The following ADGRG7 variants were observed in gnomAD, a reference collection of about 807,000 sequenced individuals.
ADGRG7 encodes G-protein coupled receptor 128.
Under a neutral mutation model 88.6 loss-of-function variants are expected in ADGRG7, and 82 were observed. The observed-to-expected ratio is 0.93, with a 90% CI of 0.77 to 1.11. The LOEUF is 1.11. Ranked by LOEUF, ADGRG7 falls within the 50% of genes most tolerant of loss-of-function variation. ADGRG7 has a pLI of 0.00. For synonymous variants in ADGRG7, 381 were observed against 345.2 expected (o/e 1.10, Z -1.15); for missense variants, 945 against 953.4 (o/e 0.99, Z 0.12).
intron 15 of ADGRG7, among the ~76,000 whole-genome samples, chr3:100,673,371 T>C (rs961052427): frequency 6.6e-6 from 1 of 152,188 alleles, no homozygotes; most frequent in African/African-American, 2.4e-5. Flanking sequence ...TTTATAGTAC[T>C]CTCTGATGGT....
At chr3:100,629,763 T>C (rs1351055976) in intron 2 of ADGRG7, 52 bp downstream of exon 2, 2 of 1,179,752 alleles carry the variant, frequency 1.7e-6, no homozygotes, top group Non-Finnish European at 1.3e-6. Flanking sequence ...ACTCTTGTGT[T>C]AATAAGAATA....
intron 1 of ADGRG7, among the ~76,000 whole-genome samples, chr3:100,610,565 C>G (rs930597431): frequency 3.3e-5 from 5 of 152,150 alleles, no homozygotes; most frequent in Non-Finnish European, 7.3e-5. Flanking sequence ...GTTAGTCCCC[C>G]GCTGTGTGCC....
At chr3:100,678,213 CTG>C (rs1252272230) in intron 15 of ADGRG7, among the ~76,000 whole-genome samples, 1 of 151,980 alleles carries the variant, frequency 6.6e-6, no homozygotes, top group Non-Finnish European at 1.5e-5. Flanking sequence ...TTAAGAGACT[CTG>C]ATTCATTCTT....
chr3:100,635,942 G>A, intron 5 of ADGRG7, 116 bp downstream of exon 5: 1 of 773,276 alleles, frequency 1.3e-6, no homozygotes, highest in Non-Finnish European at 2.0e-6. Context: ...TTTGAGCATG[G>A]TTTAAGTTGC....
chr3:100,614,885 TG>T (rs1368699491), intron 1 of ADGRG7, among the ~76,000 whole-genome samples: 2 of 152,200 alleles, frequency 1.3e-5, no homozygotes, highest in Non-Finnish European at 2.9e-5. Context: ...TTAAAAGCAT[TG>T]AAAATGTGTA....
chr3:100,654,608 T>A (rs2094935016), intron 11 of ADGRG7: 2 of 419,382 alleles, frequency 4.8e-6, no homozygotes, highest in Non-Finnish European at 8.4e-6. Context: ...CAAGAAAAGA[T>A]ATGTCAACCT....
At position 100,618,669 on chromosome 3, in the gene ADGRG7, C is replaced by G. The variant is rs185206234; in HGVS notation, c.115+8698C>G. Among the ~76,000 whole-genome samples the G allele has an allele frequency of 3.6e-3, 543 of 152,198 alleles. 5 individuals are homozygous for G. Among genetic ancestry groups the G allele is most frequent in the Non-Finnish European group, 5.3e-3 (362 of 68,006 alleles). ...GTAGCGTGATGCCTCCAGCTTTGTT[C>G]TTTTGGCTTAGGATTGACTTGGCGA... is the stretch of plus-strand genomic sequence containing the variant. On this transcript the variant is annotated intron_variant, in intron 1 of 15. Coordinates refer to ENST00000273352, the MANE Select transcript of ADGRG7 (RefSeq NM_032787.3).
At chr3:100,637,899 T>TC (rs1707572662) in intron 6 of ADGRG7, among the ~76,000 whole-genome samples, 1 of 152,236 alleles carries the variant, frequency 6.6e-6, no homozygotes, top group South Asian at 2.1e-4. Flanking sequence ...CCCCGTTTAC[T>TC]CAGCCCACCC....
At chr3:100,633,012 A>G (rs1707477490) in intron 3 of ADGRG7, among the ~76,000 whole-genome samples, 1 of 152,086 alleles carries the variant, frequency 6.6e-6, no homozygotes, top group East Asian at 1.9e-4. Flanking sequence ...CATCATATCC[A>G]CTTCAAAGCC....
At chr3:100,654,803 T>A (rs868040313) in intron 11 of ADGRG7, 32 bp from the exon 12 acceptor site, 2 of 1,343,048 alleles carry the variant, frequency 1.5e-6, no homozygotes, top group Middle Eastern at 2.5e-4. Context: ...GTGTTTCATT[T>A]AATTTTTTTA....
In ADGRG7 at chr3:100,619,828, G is replaced by A. The variant is rs572580732; in HGVS notation, c.116-9770G>A. ...TCTAGAAGAAATGGATAAATTCCTCGACACGTACACTCTCCCAAGACTAAA... is the reference window on the plus strand; with the variant it reads ...TCTAGAAGAAATGGATAAATTCCTCAACACGTACACTCTCCCAAGACTAAA... On this transcript the variant is annotated intron_variant, in intron 1 of 15. Transcript: ENST00000273352. Among the ~76,000 whole-genome samples, 6 of 152,230 alleles carry A rather than the reference G, an allele frequency of 3.9e-5. No homozygotes were observed. In the East Asian group the frequency reaches 9.6e-4, roughly 24 times the overall value.
chr3:100,629,443 G>T (rs1202718539), intron 1 of ADGRG7, among the ~76,000 whole-genome samples, 155 bp from the exon 2 acceptor site: 1 of 150,420 alleles, frequency 6.6e-6, no homozygotes. Context: ...TAGATTCTCA[G>T]TGTATATTTT....
At chr3:100,663,302 A>G (rs533451780) in intron 14 of ADGRG7, among the ~76,000 whole-genome samples, 6 of 152,234 alleles carry the variant, frequency 3.9e-5, no homozygotes, top group African/African-American at 1.2e-4. Flanking sequence ...GTGAATCAAA[A>G]CCTAAACCTC....
rs753113675 is a variant in ADGRG7, at chr3:100,694,964, C to T, written c.2357C>T (p.Thr786Ile). The T allele has an allele frequency of 3.7e-5, 59 of 1,614,168 alleles. No individual in the cohort carries two copies. The highest frequency in any genetic ancestry group is 3.3e-4 in the Middle Eastern group (2 of 6,062). The part of the protein sequence containing the change: ...LETSPSTEEI[T>I]LSESDNAKES... ...ACCTCTCCGAGTACTGAGGAAATCA[C>T]ACTCTCTGAAAGTGACAATGCAAAG... The change falls in exon 16 of 16, where the codon ACA (threonine) becomes ATA (isoleucine). Residue 786 changes from threonine (T) to isoleucine (I), a missense_variant. By Grantham distance (89) the Thr-to-Ile change is moderately conservative. Coordinates refer to ENST00000273352, the MANE Select transcript of ADGRG7 (RefSeq NM_032787.3).
chr3:100,627,621 G>A (rs932473964), intron 1 of ADGRG7, among the ~76,000 whole-genome samples: 4 of 152,134 alleles, frequency 2.6e-5, no homozygotes, highest in Non-Finnish European at 5.9e-5. Context: ...TTTTCTAAAA[G>A]AGTTTGTATG....
At chr3:100,616,881 A>G (rs1385771111) in intron 1 of ADGRG7, among the ~76,000 whole-genome samples, 3 of 152,128 alleles carry the variant, frequency 2.0e-5, no homozygotes, top group Admixed American at 1.3e-4. Flanking sequence ...AAAACTAGGG[A>G]ATGGAAAAGA....
chr3:100,655,014 A>G lies in ADGRG7; in HGVS notation c.1559A>G (p.Asn520Ser), dbSNP rs1226230760. 7 of 1,613,996 alleles carry G rather than the reference A, an allele frequency of 4.3e-6. No homozygotes were observed. The highest frequency in any genetic ancestry group is 5.9e-6 in the Non-Finnish European group (7 of 1,180,012). ...NNDIPRTDTI[N>S]IPNPMCTAIA... is the part of the protein sequence containing the mutation. ...GACATACCCAGGACAGACACCATTA[A>G]CATCCCGAATCCCATGTGCACTGCG... The change falls in exon 12 of 16, where the codon AAC (asparagine) becomes AGC (serine). Residue 520 changes from asparagine to serine, a missense_variant. Asn to Ser is a conservative substitution (Grantham distance 46). Coordinates refer to ENST00000273352, the MANE Select transcript of ADGRG7 (RefSeq NM_032787.3).
Position 100,609,745 on chromosome 3 carries a change from G to T in ADGRG7, c.-112G>T. 1.4e-6 allele frequency: 1 copy of T among 712,758 alleles called. No homozygotes were observed. The highest frequency in any genetic ancestry group is 1.7e-5 in the South Asian group (1 of 59,900). 44.2% of individuals were successfully genotyped at this position (712,758 alleles called of 1,614,324 possible). A position where few individuals can be genotyped will look rare whatever the true frequency, so the allele number is the denominator to read the frequency against. On this transcript the variant is annotated 5_prime_UTR_variant, in exon 1 of 16. Coordinates refer to ENST00000273352, the MANE Select transcript of ADGRG7 (RefSeq NM_032787.3). ...GACATCCATCTGACAGATCACTGAGGGGAGGACTTGTTTTTCTGTTTTAGA... is the reference window on the plus strand; with the variant it reads ...GACATCCATCTGACAGATCACTGAGTGGAGGACTTGTTTTTCTGTTTTAGA...
At position 100,655,083 on chromosome 3, in the gene ADGRG7, G is replaced by A. The variant is rs535088251; in HGVS notation, c.1628G>A (p.Trp543Ter). 52 of 1,614,102 alleles carry A rather than the reference G, an allele frequency of 3.2e-5. 1 individual carries two copies. The South Asian group carries it at 5.4e-4, about 17-fold the overall frequency. ...TATTTTCTGTTAGTGACATTTACCT[G>A]GAACGCACTCAGCGCTGCACAGCTC... The part of the protein sequence containing the change: ...LHYFLLVTFT[W>*]NALSAAQLYY... The change falls in exon 12 of 16, where the codon TGG (tryptophan) becomes TAG (stop). Residue 543 changes from tryptophan (W) to a stop codon, truncating the protein, a stop_gained. Transcript: ENST00000273352. LOFTEE classifies it high-confidence loss of function.
Sources: allele counts gnomAD v4.1 joint callset (sites outside exome capture counted in the v4.1 genomes callset), GRCh38; gene constraint gnomAD v4.1.1; transcripts MANE v1.5; gene names NCBI Gene and HGNC (gene_info 2026-07-23, HGNC 2026-07-21).